Variants in KCNC2 observed in about 807,000 individuals in gnomAD.
KCNC2 encodes potassium voltage-gated channel subfamily C member 2, also known as voltage-gated potassium channel KCNC2.
Under a neutral mutation model 44.5 loss-of-function variants are expected in KCNC2, and 21 were observed. That is an observed-to-expected ratio of 0.47 (90% CI 0.33 to 0.68). KCNC2 has a LOEUF of 0.68. Ranked by LOEUF, KCNC2 falls within the 30% of genes least tolerant of loss-of-function variation. KCNC2 has a pLI of 0.01. For missense variants in KCNC2, 589 were observed against 826.2 expected, an observed-to-expected ratio of 0.71 and a Z score of 3.52; for synonymous variants, 391 against 339.1, an observed-to-expected ratio of 1.15 and a Z score of -1.68.
At chr12:75,110,027 T>G (rs571043796) in intron 2 of KCNC2, among the ~76,000 whole-genome samples, 1 of 151,896 alleles carries the variant, frequency 6.6e-6, no homozygotes, top group South Asian at 2.1e-4. Flanking sequence ...GGGAGTAAAG[T>G]TAACAGTCTG....
At chr12:75,090,467 T>A (rs1347371300) in intron 2 of KCNC2, among the ~76,000 whole-genome samples, 1 of 151,448 alleles carries the variant, frequency 6.6e-6, no homozygotes, top group Non-Finnish European at 1.5e-5. Context: ...AGCAGCCTTC[T>A]TAGAACTTAG....
intron 2 of KCNC2, among the ~76,000 whole-genome samples, chr12:75,149,537 A>G (rs979502335): frequency 9.9e-5 from 15 of 151,882 alleles, no homozygotes; most frequent in African/African-American, 3.6e-4. Context: ...AGCCACACTA[A>G]TGAAAGAAAT....
chr12:75,098,977 T>C (rs1233382324), intron 2 of KCNC2, among the ~76,000 whole-genome samples: 1 of 152,144 alleles, frequency 6.6e-6, no homozygotes, highest in Admixed American at 6.6e-5. Context: ...ATTCATTGTT[T>C]GACCTTGCCC....
chr12:75,151,438 T>A (rs576302870), intron 2 of KCNC2, among the ~76,000 whole-genome samples: 14 of 151,880 alleles, frequency 9.2e-5, no homozygotes, highest in Non-Finnish European at 1.5e-4. Context: ...AAAATGCAAA[T>A]CCTCTTTGGA....
At chr12:75,083,180 A>G (rs1325072337) in intron 2 of KCNC2, among the ~76,000 whole-genome samples, 1 of 151,670 alleles carries the variant, frequency 6.6e-6, no homozygotes, top group Non-Finnish European at 1.5e-5. Flanking sequence ...AAATACAAAA[A>G]ATAAAGATCA....
chr12:75,161,903 A>G (rs1891148457), intron 2 of KCNC2, among the ~76,000 whole-genome samples: 1 of 151,802 alleles, frequency 6.6e-6, no homozygotes, highest in Non-Finnish European at 1.5e-5. Context: ...CACATTGAGG[A>G]AGAAAGATGC....
intron 2 of KCNC2, among the ~76,000 whole-genome samples, chr12:75,174,697 G>A (rs1892063176): frequency 1.3e-5 from 2 of 151,842 alleles, no homozygotes; most frequent in African/African-American, 4.8e-5. Flanking sequence ...ATTAAAATGT[G>A]TCTTCTGAGT....
chr12:75,178,974 T>C (rs181493248), intron 2 of KCNC2, among the ~76,000 whole-genome samples: 1 of 152,010 alleles, frequency 6.6e-6, no homozygotes, highest in Non-Finnish European at 1.5e-5. Context: ...TTGAATGTTT[T>C]TTCCCTATAG....
chr12:75,145,949 T>C (rs994397449), intron 2 of KCNC2, among the ~76,000 whole-genome samples: 1 of 149,564 alleles, frequency 6.7e-6, no homozygotes, highest in Non-Finnish European at 1.5e-5. Context: ...CTTACAGTCT[T>C]ACCAATTTTT....
intron 2 of KCNC2, among the ~76,000 whole-genome samples, chr12:75,154,116 A>C (rs1890599467): frequency 6.6e-6 from 1 of 152,088 alleles, no homozygotes; most frequent in South Asian, 2.1e-4. Context: ...AGGACTCTAA[A>C]AAAGAAATAT....
chr12:75,200,035 A>G (rs766992871), intron 2 of KCNC2, among the ~76,000 whole-genome samples: 1 of 151,752 alleles, frequency 6.6e-6, no homozygotes, highest in Non-Finnish European at 1.5e-5. Context: ...GAAGGTAGCA[A>G]TGGAAGACTG....
intron 2 of KCNC2, among the ~76,000 whole-genome samples, chr12:75,159,070 A>G (rs924237079): frequency 1.3e-4 from 20 of 148,878 alleles, no homozygotes; most frequent in Admixed American, 2.7e-4. Context: ...CTGAAAAATG[A>G]GAACACATGG....
chr12:75,052,966 A>G (rs1881340242), intron 2 of KCNC2, among the ~76,000 whole-genome samples: 1 of 152,100 alleles, frequency 6.6e-6, no homozygotes, highest in African/African-American at 2.4e-5. Context: ...TGGTCTGATC[A>G]TTAGCTTTCC....
In KCNC2 at chr12:75,201,262, G is replaced by GAAAAAAAAAAAAA. The variant is rs1313998973; in HGVS notation, c.687+6022_687+6034dup. Among the ~76,000 whole-genome samples, 10 of 18,446 alleles carry GAAAAAAAAAAAAA rather than the reference G, an allele frequency of 5.4e-4. 3 individuals carry two copies. Among genetic ancestry groups the GAAAAAAAAAAAAA allele is most frequent in the African/African-American group, 8.1e-4 (4 of 4,958 alleles). 12.1% of individuals were successfully genotyped at this position (18,446 alleles called of 152,430 possible). On this transcript the variant is annotated intron_variant, in intron 2 of 4. Coordinates refer to ENST00000549446, the MANE Select transcript of KCNC2 (RefSeq NM_139137.4). Reference sequence around the variant, plus strand: ...GGGCAGAAAGTTACAAACGAAATTGGAAAAAAAAAAAAAAAAAAAAAAAAA... The same window carrying GAAAAAAAAAAAAA: ...GGGCAGAAAGTTACAAACGAAATTGGAAAAAAAAAAAAAAAAAAAAAAAAAAAAAAAAAAAAAA...
rs541396477 is a variant in KCNC2 at position 75,047,724 on chromosome 12, T to C, written c.1780+429A>G. Among the ~76,000 whole-genome samples, 4 of 152,106 alleles carry C rather than the reference T, an allele frequency of 2.6e-5. No individual in the cohort carries two copies. The South Asian group carries it at 6.2e-4, about 24-fold the overall frequency. ...TTAGAGAACGTTTAATGCTTTACTT[T>C]GAGAAAAAAAAACTTATAATTGTTT... On this transcript the variant is annotated intron_variant, in intron 4 of 4. Coordinates refer to ENST00000549446, the MANE Select transcript of KCNC2 (RefSeq NM_139137.4).
intron 4 of KCNC2, among the ~76,000 whole-genome samples, chr12:75,046,586 T>C (rs189853998): frequency 3.9e-5 from 6 of 151,992 alleles, no homozygotes; most frequent in African/African-American, 1.4e-4. Context: ...CAGCATGTTC[T>C]ATATAAAATA....
At chr12:75,080,091 T>C (rs943977179) in intron 2 of KCNC2, among the ~76,000 whole-genome samples, 1 of 152,162 alleles carries the variant, frequency 6.6e-6, no homozygotes, top group Non-Finnish European at 1.5e-5. Flanking sequence ...TTTTATTTTT[T>C]TAACTTCAAA....
chr12:75,101,279 T>C (rs2471635), intron 2 of KCNC2, among the ~76,000 whole-genome samples: 62,866 of 151,714 alleles, frequency 0.41, 16,199 homozygotes, highest in Non-Finnish European at 0.58. Context: ...ATTAAACTTC[T>C]TTTCACACTG....
At chr12:75,144,416 G>T (rs1228880098) in intron 2 of KCNC2, among the ~76,000 whole-genome samples, 3 of 152,154 alleles carry the variant, frequency 2.0e-5, no homozygotes, top group Non-Finnish European at 2.9e-5. Context: ...TAAGTCGTTG[G>T]CTACTGCACT....
Sources: gnomAD v4.1 joint callset for allele counts (sites outside exome capture counted in the v4.1 genomes callset) on GRCh38, gnomAD v4.1.1 for gene constraint, MANE v1.5 for transcripts, NCBI Gene and HGNC (gene_info 2026-07-23, HGNC 2026-07-21) for gene names.